SLC8A1: variants seen among roughly 807,000 people sequenced by gnomAD.
SLC8A1 encodes sodium/calcium exchanger 1.
SLC8A1 carries 18 observed loss-of-function variants against 68.3 expected under a neutral mutation model. The ratio of observed to expected loss-of-function variants is 0.26; its 90% CI spans 0.18 to 0.39. The LOEUF is 0.39. Ranked by LOEUF, SLC8A1 falls within the 10% of genes least tolerant of loss-of-function variation. The probability of loss-of-function intolerance (pLI) is 1.00; values close to 1 mark genes in which losing one functional copy is unlikely to be tolerated. For synonymous variants in SLC8A1, 475 were observed against 415.5 expected (o/e 1.14, Z -1.74); for missense variants, 985 against 1,156.7 (o/e 0.85, Z 2.15).
At position 40,289,220 on chromosome 2, in the gene SLC8A1, G is replaced by GT. The variant is rs201844924; in HGVS notation, c.1809-111366dup. 6.0e-3 allele frequency among the ~76,000 whole-genome samples: 891 copies of GT among 148,350 alleles called. 4 individuals are homozygous for GT. The highest frequency in any genetic ancestry group is 0.02 in the African/African-American group (767 of 38,188). On this transcript the variant is annotated intron_variant, in intron 2 of 7. Transcript: ENST00000406785. ...AAAGTAGGTAGATTAACCAAATCCT[G>GT]TTTTTTTTAAAAAATAAGTTACTTT...
chr2:40,397,234 C>A (rs1429264106), intron 2 of SLC8A1, among the ~76,000 whole-genome samples: 1 of 152,180 alleles, frequency 6.6e-6, no homozygotes, highest in Non-Finnish European at 1.5e-5. Context: ...TTGTATTCCA[C>A]TGTCAGCTGC....
chr2:40,359,713 G>C (rs1303223172), intron 2 of SLC8A1, among the ~76,000 whole-genome samples: 1 of 151,992 alleles, frequency 6.6e-6, no homozygotes, highest in Non-Finnish European at 1.5e-5. Flanking sequence ...AATCATGTTG[G>C]GAAAACAAAG....
chr2:40,377,833 C>T (rs1434926518), intron 2 of SLC8A1, among the ~76,000 whole-genome samples: 3 of 152,124 alleles, frequency 2.0e-5, no homozygotes, highest in Non-Finnish European at 4.4e-5. Flanking sequence ...GTTTCTGTGG[C>T]TTCCTCAAGG....
At chr2:40,437,145 G>T (rs1376442265) in intron 1 of SLC8A1, among the ~76,000 whole-genome samples, 1 of 152,132 alleles carries the variant, frequency 6.6e-6, no homozygotes, top group African/African-American at 2.4e-5. Context: ...GACAGAACTA[G>T]AATTTTAATT....
chr2:40,320,511 C>T (rs1485724670), intron 2 of SLC8A1, among the ~76,000 whole-genome samples: 2 of 152,002 alleles, frequency 1.3e-5, no homozygotes, highest in Admixed American at 1.3e-4. Flanking sequence ...AATTTGATGT[C>T]CAAAAATAAG....
At chr2:40,331,349 T>G (rs1477685968) in intron 2 of SLC8A1, among the ~76,000 whole-genome samples, 3 of 152,186 alleles carry the variant, frequency 2.0e-5, no homozygotes, top group Non-Finnish European at 4.4e-5. Flanking sequence ...CATAGAATAT[T>G]CATAGAATCA....
chr2:40,286,525 T>C (rs1350138419), intron 2 of SLC8A1, among the ~76,000 whole-genome samples: 1 of 152,182 alleles, frequency 6.6e-6, no homozygotes, highest in Non-Finnish European at 1.5e-5. Context: ...CAGCCTTTGA[T>C]GGACAAAGAG....
At chr2:40,337,545 C>T (rs1666368064) in intron 2 of SLC8A1, among the ~76,000 whole-genome samples, 1 of 152,160 alleles carries the variant, frequency 6.6e-6, no homozygotes, top group Admixed American at 6.5e-5. Flanking sequence ...GATCCAATTA[C>T]CAGCTACTCA....
At chr2:40,114,090 C>G (rs2034920209) in exon 8 of SLC8A1, 1 of 152,666 alleles carries the variant, frequency 6.6e-6, no homozygotes, top group African/African-American at 2.4e-5. Flanking sequence ...TCAACATTGC[C>G]AAATGGGAGA....
intron 1 of SLC8A1, among the ~76,000 whole-genome samples, chr2:40,433,772 C>A (rs1698849013): frequency 6.6e-6 from 1 of 152,142 alleles, no homozygotes; most frequent in South Asian, 2.1e-4. Context: ...ATTATATCAT[C>A]CCTGATAGTG....
intron 2 of SLC8A1, among the ~76,000 whole-genome samples, chr2:40,341,086 G>C (rs1031547020): frequency 1.3e-5 from 2 of 152,136 alleles, no homozygotes; most frequent in Admixed American, 6.5e-5. Flanking sequence ...GAGGGGTTTT[G>C]TTTCCCAACC....
At chr2:40,260,086 C>T (rs2064486630) in intron 2 of SLC8A1, among the ~76,000 whole-genome samples, 1 of 152,206 alleles carries the variant, frequency 6.6e-6, no homozygotes, top group Non-Finnish European at 1.5e-5. Flanking sequence ...CTAACAAACA[C>T]ATTTACATAT....
intron 1 of SLC8A1, among the ~76,000 whole-genome samples, chr2:40,433,618 AG>A (rs1337281911): frequency 6.6e-6 from 1 of 152,196 alleles, no homozygotes; most frequent in African/African-American, 2.4e-5. Flanking sequence ...AATCCTAAAT[AG>A]TAGGTACTAT....
intron 2 of SLC8A1, among the ~76,000 whole-genome samples, chr2:40,289,388 G>T (rs548192427): frequency 2.6e-5 from 4 of 152,196 alleles, no homozygotes; most frequent in African/African-American, 9.6e-5. Flanking sequence ...TCACATTTGG[G>T]AGTTGTGAGA....
intron 6 of SLC8A1, among the ~76,000 whole-genome samples, chr2:40,154,055 T>C (rs1421008923): frequency 6.6e-6 from 1 of 152,182 alleles, no homozygotes; most frequent in African/African-American, 2.4e-5. Context: ...CTACTGGAAT[T>C]AGACTCACGA....
At chr2:40,250,922 A>G (rs1025960202) in intron 2 of SLC8A1, 3 of 152,204 alleles carry the variant, frequency 2.0e-5, no homozygotes. Flanking sequence ...TCAGAATTTG[A>G]TGATTATTCT....
At chr2:40,482,332 T>A (rs1704683770) in intron 1 of SLC8A1, among the ~76,000 whole-genome samples, 1 of 151,988 alleles carries the variant, frequency 6.6e-6, no homozygotes, top group South Asian at 2.1e-4. Context: ...AGGGGAGGCT[T>A]TGGGTTTTGT....
intron 2 of SLC8A1, among the ~76,000 whole-genome samples, chr2:40,420,452 G>A (rs905964295): frequency 2.6e-5 from 4 of 151,836 alleles, no homozygotes; most frequent in African/African-American, 9.7e-5. Context: ...AAATGCTACA[G>A]CGCCAAAGCA....
chr2:40,214,326 G>T (rs2057105128), intron 2 of SLC8A1, among the ~76,000 whole-genome samples: 1 of 152,104 alleles, frequency 6.6e-6, no homozygotes, highest in Non-Finnish European at 1.5e-5. Flanking sequence ...AGCCATGCTG[G>T]AGAGTTGCCC....
Sources: gnomAD v4.1 joint callset for allele counts (sites outside exome capture counted in the v4.1 genomes callset) on GRCh38, gnomAD v4.1.1 for gene constraint, MANE v1.5 for transcripts, NCBI Gene and HGNC (gene_info 2026-07-23, HGNC 2026-07-21) for gene names.